Variants in GALNT17 observed in about 807,000 individuals in gnomAD.
GALNT17 encodes UDP-GalNAc:polypeptide N-acetylgalactosaminyltransferase-like 3.
A neutral mutation model predicts 63.7 loss-of-function variants in GALNT17; 29 were observed. That is an observed-to-expected ratio of 0.46 (90% CI 0.34 to 0.62). The LOEUF is 0.62. Ranked by LOEUF, GALNT17 falls within the 20% of genes least tolerant of loss-of-function variation. GALNT17 has a pLI of 0.01. For synonymous variants in GALNT17, 305 were observed against 318.3 expected, an observed-to-expected ratio of 0.96 and a Z score of 0.45; for missense variants, 603 against 799.6, an observed-to-expected ratio of 0.75 and a Z score of 2.97.
chr7:71,704,674 G>T (rs1791697826), intron 9 of GALNT17, among the ~76,000 whole-genome samples: 1 of 152,094 alleles, frequency 6.6e-6, no homozygotes, highest in Non-Finnish European at 1.5e-5. Context: ...GATAGACGTG[G>T]AGATCAAAGG....
chr7:71,708,114 T>TA (rs1791746111), intron 9 of GALNT17, among the ~76,000 whole-genome samples: 1 of 152,326 alleles, frequency 6.6e-6, no homozygotes, highest in African/African-American at 2.4e-5. Flanking sequence ...TCTGTTGCAA[T>TA]AAATACCCTA....
chr7:71,147,421 C>A (rs1042080552), intron 1 of GALNT17, among the ~76,000 whole-genome samples: 2 of 152,100 alleles, frequency 1.3e-5, no homozygotes, highest in African/African-American at 4.8e-5. Context: ...GCTTTATATT[C>A]AGCTGGCAGC....
Position 71,659,025 on chromosome 7 carries a change from C to A in GALNT17, c.1081-6386C>A, listed in dbSNP as rs564333395. 6.6e-5 allele frequency among the ~76,000 whole-genome samples: 10 copies of A among 152,332 alleles called. No individual in the cohort carries two copies. The East Asian group carries it at 1.7e-3, about 26-fold the overall frequency. ...CCCTCTTCATGCTGCCAGTCTTTTC[C>A]CCACAGTTCAGCCAGAGTGATCTTT... On this transcript the variant is annotated intron_variant, in intron 6 of 10. Coordinates refer to ENST00000333538, the MANE Select transcript of GALNT17 (RefSeq NM_022479.3).
At chr7:71,407,559 C>T (rs563975910) in intron 3 of GALNT17, among the ~76,000 whole-genome samples, 4 of 152,176 alleles carry the variant, frequency 2.6e-5, no homozygotes, top group Admixed American at 6.5e-5. Context: ...CCAGCCTCAG[C>T]AACATGGTAA....
chr7:71,289,046 C>A (rs1205374194), intron 1 of GALNT17, among the ~76,000 whole-genome samples: 1 of 152,048 alleles, frequency 6.6e-6, no homozygotes, highest in Non-Finnish European at 1.5e-5. Context: ...TTAAATTTGA[C>A]CCTTCAGCAG....
intron 1 of GALNT17, among the ~76,000 whole-genome samples, chr7:71,278,297 T>C (rs1237287515): frequency 6.6e-6 from 1 of 152,212 alleles, no homozygotes; most frequent in Non-Finnish European, 1.5e-5. Context: ...AGGACTGCTG[T>C]ACTGGATGGC....
At chr7:71,423,233 C>T (rs1786699518) in intron 5 of GALNT17, among the ~76,000 whole-genome samples, 1 of 152,200 alleles carries the variant, frequency 6.6e-6, no homozygotes, top group African/African-American at 2.4e-5. Flanking sequence ...GGAGCCCTTG[C>T]CAGGGACCCT....
intron 1 of GALNT17, among the ~76,000 whole-genome samples, chr7:71,297,811 G>A (rs1791109788): frequency 1.3e-5 from 2 of 152,178 alleles, no homozygotes; most frequent in Admixed American, 1.3e-4. Flanking sequence ...CAAGTATCTT[G>A]TAGAATAAAA....
intron 1 of GALNT17, among the ~76,000 whole-genome samples, chr7:71,332,008 C>T (rs941298187): frequency 6.6e-6 from 1 of 152,128 alleles, no homozygotes; most frequent in East Asian, 1.9e-4. Flanking sequence ...GTCAAGGGAC[C>T]TAGGGCTGCA....
intron 5 of GALNT17, among the ~76,000 whole-genome samples, chr7:71,501,173 T>C (rs1788174592): frequency 6.6e-6 from 1 of 152,102 alleles, no homozygotes; most frequent in Non-Finnish European, 1.5e-5. Context: ...TTTCTCATGT[T>C]GGCCAGGCTG....
chr7:71,184,304 G>C (rs770753262), intron 1 of GALNT17, among the ~76,000 whole-genome samples: 7 of 152,150 alleles, frequency 4.6e-5, no homozygotes, highest in Non-Finnish European at 8.8e-5. Flanking sequence ...CCCTAGTGGA[G>C]TAATGCACAG....
intron 5 of GALNT17, among the ~76,000 whole-genome samples, chr7:71,546,353 G>T (rs555552822): frequency 6.6e-6 from 1 of 151,856 alleles, no homozygotes; most frequent in Non-Finnish European, 1.5e-5. Flanking sequence ...GTAGAGATGG[G>T]GTTTTGTCAT....
chr7:71,353,074 C>T (rs1792217798), intron 2 of GALNT17, among the ~76,000 whole-genome samples: 1 of 151,560 alleles, frequency 6.6e-6, no homozygotes, highest in Admixed American at 6.6e-5. Flanking sequence ...GGCATGCTAG[C>T]CTGAGGGCTT....
At chr7:71,326,200 G>A (rs909216353) in intron 1 of GALNT17, among the ~76,000 whole-genome samples, 4 of 152,202 alleles carry the variant, frequency 2.6e-5, no homozygotes, top group African/African-American at 9.6e-5. Flanking sequence ...GCTCATGCCT[G>A]TAATCCCAGT....
intron 2 of GALNT17, among the ~76,000 whole-genome samples, chr7:71,344,391 T>C (rs1792054963): frequency 6.6e-6 from 1 of 152,180 alleles, no homozygotes; most frequent in Admixed American, 6.6e-5. Flanking sequence ...GGAAAACTTT[T>C]GGCTAGAGAA....
chr7:71,416,151 G>A, intron 4 of GALNT17, 88 bp downstream of exon 4: 1 of 1,422,724 alleles, frequency 7.0e-7, no homozygotes, highest in South Asian at 1.4e-5. Context: ...CATTTCACCT[G>A]TTACCTGTAG....
intron 5 of GALNT17, among the ~76,000 whole-genome samples, chr7:71,467,052 G>C (rs560725186): frequency 4.7e-4 from 72 of 152,210 alleles, no homozygotes; most frequent in African/African-American, 1.4e-3. Flanking sequence ...GGTAATTTTT[G>C]ATTTACGATT....
intron 1 of GALNT17, among the ~76,000 whole-genome samples, chr7:71,220,142 A>AT (rs930323013): frequency 6.6e-6 from 1 of 152,228 alleles, no homozygotes; most frequent in African/African-American, 2.4e-5. Context: ...GAGGTTCCCA[A>AT]TTAAGTCCAT....
At chr7:71,675,974 G>A (rs1367428373) in intron 8 of GALNT17, among the ~76,000 whole-genome samples, 1 of 152,124 alleles carries the variant, frequency 6.6e-6, no homozygotes, top group African/African-American at 2.4e-5. Context: ...GGCAACAAGA[G>A]CGAAACTCTG....
Sources: gnomAD v4.1 joint callset for allele counts (sites outside exome capture counted in the v4.1 genomes callset) on GRCh38, gnomAD v4.1.1 for gene constraint, MANE v1.5 for transcripts, NCBI Gene and HGNC (gene_info 2026-07-23, HGNC 2026-07-21) for gene names.